KDM5B: variants seen among roughly 807,000 people sequenced by gnomAD.
KDM5B encodes lysine-specific demethylase 5B.
Under a neutral mutation model 193.4 loss-of-function variants are expected in KDM5B, and 144 were observed. The ratio of observed to expected loss-of-function variants is 0.74; its 90% CI spans 0.65 to 0.86. KDM5B has a LOEUF of 0.86. KDM5B is among the 40% of genes least tolerant of loss of function. The pLI is 0.00. For synonymous variants in KDM5B, 668 were observed against 682.6 expected (o/e 0.98, Z 0.33); for missense variants, 1,833 against 1,886.9 (o/e 0.97, Z 0.53).
intron 20 of KDM5B, among the ~76,000 whole-genome samples, 191 bp from the exon 21 acceptor site, chr1:202,736,583 T>A (rs1439761569): frequency 6.6e-6 from 1 of 152,142 alleles, no homozygotes; most frequent in Non-Finnish European, 1.5e-5. Flanking sequence ...ATTTGTTCCT[T>A]CATTACACAA....
chr1:202,793,833 C>A (rs1257890213), intron 1 of KDM5B, among the ~76,000 whole-genome samples: 1 of 152,060 alleles, frequency 6.6e-6, no homozygotes, highest in Non-Finnish European at 1.5e-5. Context: ...ATGGGAAAAG[C>A]CACAAGGTTA....
intron 1 of KDM5B, among the ~76,000 whole-genome samples, chr1:202,799,897 G>A (rs968509466): frequency 1.3e-5 from 2 of 152,150 alleles, no homozygotes; most frequent in South Asian, 2.1e-4. Flanking sequence ...AAGGAAGCAG[G>A]GAGAAGTCTT....
At chr1:202,784,849 T>C (rs564476177) in intron 1 of KDM5B, among the ~76,000 whole-genome samples, 3 of 152,156 alleles carry the variant, frequency 2.0e-5, no homozygotes, top group East Asian at 1.9e-4. Flanking sequence ...GCCAGGCCAA[T>C]GTGGCAAAAC....
intron 6 of KDM5B, among the ~76,000 whole-genome samples, chr1:202,763,038 T>C (rs550589025): frequency 1.1e-4 from 17 of 152,364 alleles, no homozygotes; most frequent in Non-Finnish European, 2.1e-4. Flanking sequence ...CTTCTGGAGA[T>C]GTCCCTCAGG....
chr1:202,799,650 T>G (rs1657994955), intron 1 of KDM5B, among the ~76,000 whole-genome samples: 1 of 128,420 alleles, frequency 7.8e-6, no homozygotes, highest in Non-Finnish European at 1.7e-5. Context: ...AGCGTGAAAC[T>G]CCATCTCAAA....
chr1:202,738,318 A>G (rs2102225726), intron 20 of KDM5B, among the ~76,000 whole-genome samples: 1 of 152,338 alleles, frequency 6.6e-6, no homozygotes, highest in Non-Finnish European at 1.5e-5. Flanking sequence ...CCATGACTTC[A>G]CCTTCTGGCT....
intron 14 of KDM5B, among the ~76,000 whole-genome samples, chr1:202,748,507 A>AT (rs1008494958): frequency 4.0e-5 from 5 of 125,428 alleles, no homozygotes; most frequent in South Asian, 2.5e-4. Flanking sequence ...CACCTATCTG[A>AT]TTTAAAAAAA....
chr1:202,754,354 T>C (rs1164233514), intron 11 of KDM5B, among the ~76,000 whole-genome samples: 4 of 152,182 alleles, frequency 2.6e-5, no homozygotes, highest in East Asian at 1.9e-4. Context: ...TCAAATATTT[T>C]TATATTTAGA....
At chr1:202,755,182 A>G in intron 11 of KDM5B, 89 bp downstream of exon 11, 1 of 951,486 alleles carries the variant, frequency 1.1e-6, no homozygotes, top group Non-Finnish European at 1.6e-6. Context: ...AATGCTCTTC[A>G]GACACAGTTA....
intron 1 of KDM5B, among the ~76,000 whole-genome samples, chr1:202,788,090 T>C (rs1657485769): frequency 6.6e-6 from 1 of 152,152 alleles, no homozygotes; most frequent in Admixed American, 6.5e-5. Context: ...ACTCTTTTCA[T>C]CCAGATTTAA....
Position 202,774,654 on chromosome 1 carries a change from G to A in KDM5B, c.364C>T (p.His122Tyr). The change falls in exon 3 of 27, where the codon CAT becomes TAT. Residue 122 changes from histidine to tyrosine, a missense_variant. Coordinates refer to ENST00000367265, the MANE Select transcript of KDM5B (RefSeq NM_006618.5). ...AAGTCCAAGATCTTCCTCTCCACATGTGGAATTTTCAGAGTACTTCCCTGT... is the reference window on the plus strand; with the variant it reads ...AAGTCCAAGATCTTCCTCTCCACATATGGAATTTTCAGAGTACTTCCCTGT... ...ELQGSTLKIP[H>Y]VERKILDLFQ... 6.2e-7 allele frequency: 1 copy of A among 1,612,662 alleles called. No individual in the cohort carries two copies.
chr1:202,774,570 C>A, intron 3 of KDM5B, 43 bp downstream of exon 3: 1 of 1,564,224 alleles, frequency 6.4e-7, no homozygotes, highest in Admixed American at 1.8e-5. Flanking sequence ...TTCATTCTGT[C>A]AGTAAGATTA....
chr1:202,788,841 G>A (rs1231256486), intron 1 of KDM5B, among the ~76,000 whole-genome samples: 2 of 152,050 alleles, frequency 1.3e-5, no homozygotes, highest in African/African-American at 2.4e-5. Flanking sequence ...TCCATACCTA[G>A]AATCCAGGGA....
Position 202,748,933 on chromosome 1 carries a change from CA to C in KDM5B, c.2016+11del. ...CAATGACAACATGCAGTTGGATTTC[CA>C]TAAGCCTTACCAATTTACGGACAGT... On this transcript the variant is annotated intron_variant, in intron 14 of 26. Transcript: ENST00000367265. 6.2e-7 allele frequency: 1 copy of C among 1,601,034 alleles called. No homozygotes were observed. The highest frequency in any genetic ancestry group is 8.5e-7 in the Non-Finnish European group (1 of 1,173,248).
chr1:202,783,289 AAAGAG>A (rs1657272087), intron 1 of KDM5B, among the ~76,000 whole-genome samples: 2 of 152,084 alleles, frequency 1.3e-5, no homozygotes, highest in South Asian at 2.1e-4. Context: ...AGAGAAGAGA[AAAGAG>A]AAGAGACCAG....
chr1:202,734,032 C>G, intron 22 of KDM5B, 146 bp from the exon 23 acceptor site: 1 of 1,010,278 alleles, frequency 9.9e-7, no homozygotes, highest in East Asian at 2.4e-5. Context: ...CTGTGAGTGA[C>G]CTGGTGCCAT....
intron 8 of KDM5B, chr1:202,759,097 T>C (rs1279253757): frequency 1.3e-5 from 2 of 152,260 alleles, no homozygotes; most frequent in Admixed American, 6.5e-5. Flanking sequence ...TAACCTCCCA[T>C]TGATGGAGAT....
intron 6 of KDM5B, 119 bp from the exon 7 acceptor site, chr1:202,762,927 T>C: frequency 1.5e-6 from 1 of 663,820 alleles, no homozygotes; most frequent in Non-Finnish European, 2.7e-6. Flanking sequence ...CACATTTTAG[T>C]AGCAATAGCA....
intron 4 of KDM5B, among the ~76,000 whole-genome samples, chr1:202,770,272 C>T (rs984421682): frequency 1.3e-5 from 2 of 152,150 alleles, no homozygotes; most frequent in Admixed American, 1.3e-4. Flanking sequence ...ATCACATCAT[C>T]CCAAAGACAG....
Sources: gnomAD v4.1 joint callset for allele counts (sites outside exome capture counted in the v4.1 genomes callset) on GRCh38, gnomAD v4.1.1 for gene constraint, MANE v1.5 for transcripts, NCBI Gene and HGNC (gene_info 2026-07-23, HGNC 2026-07-21) for gene names.